The following TRDMT1 variants were observed in gnomAD, a reference collection of about 807,000 sequenced individuals.
TRDMT1 encodes the protein tRNA (cytosine(38)-C(5))-methyltransferase.
Under a neutral mutation model 51.2 loss-of-function variants are expected in TRDMT1, and 49 were observed. That is an observed-to-expected ratio of 0.96 (90% CI 0.76 to 1.21). The LOEUF (loss-of-function observed/expected upper bound fraction) is 1.21, where lower values mean the gene tolerates loss of function less well. Ranked by LOEUF, TRDMT1 falls within the 50% of genes most tolerant of loss-of-function variation. TRDMT1 has a pLI of 0.00. For synonymous variants in TRDMT1, 187 were observed against 164.6 expected (o/e 1.14, Z -1.04); for missense variants, 534 against 462.3 (o/e 1.16, Z -1.42).
chr10:17,197,429 C>G (rs1053794127), intron 1 of TRDMT1, among the ~76,000 whole-genome samples: 2 of 152,082 alleles, frequency 1.3e-5, no homozygotes, highest in Admixed American at 1.3e-4. Flanking sequence ...TATGTAGTGA[C>G]TGTAAAAATG....
intron 3 of TRDMT1, among the ~76,000 whole-genome samples, chr10:17,165,618 C>T (rs1185584811): frequency 2.6e-5 from 4 of 152,136 alleles, no homozygotes; most frequent in South Asian, 2.1e-4. Context: ...GCAATCTACT[C>T]ATCTGACAAA....
At chr10:17,150,835 T>C in intron 10 of TRDMT1, 2 of 984,896 alleles carry the variant, frequency 2.0e-6, no homozygotes, top group Non-Finnish European at 2.4e-6. Flanking sequence ...AAGCACATTA[T>C]TTATCTAAAA....
chr10:17,153,569 A>C lies in TRDMT1; in HGVS notation c.1013T>G (p.Leu338Arg), dbSNP rs1407510418. The C allele has an allele frequency of 3.7e-6, 6 of 1,613,288 alleles. No homozygotes were observed. Among genetic ancestry groups the C allele is most frequent in the Non-Finnish European group, 5.1e-6 (6 of 1,179,688 alleles). Residue 338 changes from leucine (L) to arginine (R), a missense_variant, in exon 10 of 11, where the codon CTT becomes CGT. Leu to Arg is a moderately radical substitution (Grantham distance 102, BLOSUM62 -2). Coordinates refer to ENST00000377799, the MANE Select transcript of TRDMT1 (RefSeq NM_004412.7). ...TTTAGGAGTGAAATATCGCAGTTTAAGTATTAACAGCTTTGTTATCTGTTC... is the reference window on the plus strand; with the variant it reads ...TTTAGGAGTGAAATATCGCAGTTTACGTATTAACAGCTTTGTTATCTGTTC... Reference protein sequence around the residue: ...QEEQITKLLILKLRYFTPKEI... With the variant: ...QEEQITKLLIRKLRYFTPKEI...
At chr10:17,158,755 T>G (rs1188836505) in intron 7 of TRDMT1, among the ~76,000 whole-genome samples, 2 of 152,200 alleles carry the variant, frequency 1.3e-5, no homozygotes, top group Non-Finnish European at 2.9e-5. Context: ...TTAAAATATT[T>G]GTAAGCCACT....
rs1564540315 is a variant in TRDMT1 at position 17,144,187 on chromosome 10, C to A, written c.*4853G>T. ...TTCTCTTTCTCTCTTTCACTCTCAT[C>A]CTCTGACCCTCTAGGTGATCTCATC... On this transcript the variant is annotated 3_prime_UTR_variant, in exon 11 of 11. Transcript: ENST00000377799. The A allele has an allele frequency of 1.0e-6, 1 of 985,690 alleles. No individual in the cohort carries two copies. The highest frequency in any genetic ancestry group is 4.7e-5 in the South Asian group (1 of 21,284). The allele number at this position is 985,690 out of a possible 1,614,324, so 61.1% of individuals were successfully genotyped here. A position where few individuals can be genotyped will look rare whatever the true frequency, so the allele number is the denominator to read the frequency against.
At position 17,168,878 on chromosome 10, in the gene TRDMT1, T is replaced by A. The variant is rs758379628; in HGVS notation, c.214A>T (p.Met72Leu). The A allele has an allele frequency of 6.8e-6, 11 of 1,612,758 alleles. No homozygotes were observed. Among genetic ancestry groups the A allele is most frequent in the Non-Finnish European group, 8.5e-6 (10 of 1,179,218 alleles). ...LEEFDRLSFD[M>L]ILMSPPCQPF... ...TGGCAGGGAGGGCTCATTAAAATCATATCAAAAGATAATCTGTCAAACTCT... is the reference window on the plus strand; with the variant it reads ...TGGCAGGGAGGGCTCATTAAAATCAAATCAAAAGATAATCTGTCAAACTCT... Residue 72 changes from methionine (M) to leucine (L), a missense_variant, in exon 3 of 11, where the codon ATG (methionine) becomes TTG (leucine). Physicochemically the swap from Met to Leu is conservative, Grantham distance 15. Transcript: ENST00000377799.
At position 17,147,393 on chromosome 10, in the gene TRDMT1, T is replaced by G; in HGVS notation, c.*1647A>C. The G allele has an allele frequency of 1.1e-6, 1 of 934,400 alleles. No homozygotes were observed. Among genetic ancestry groups the G allele is most frequent in the East Asian group, 1.2e-4 (1 of 8,600 alleles). 57.9% of individuals were successfully genotyped at this position (934,400 alleles called of 1,614,324 possible). Reference sequence around the variant, plus strand: ...TAGAGTATGATTTTTTCAATTGCAGTAAAATATACATAATGTAAAATTTAT... The same window carrying G: ...TAGAGTATGATTTTTTCAATTGCAGGAAAATATACATAATGTAAAATTTAT... On this transcript the variant is annotated 3_prime_UTR_variant, in exon 11 of 11. Coordinates refer to ENST00000377799, the MANE Select transcript of TRDMT1 (RefSeq NM_004412.7).
chr10:17,170,105 G>A (rs1023593985), intron 2 of TRDMT1, among the ~76,000 whole-genome samples: 2 of 152,116 alleles, frequency 1.3e-5, no homozygotes, highest in African/African-American at 4.8e-5. Flanking sequence ...TATTCCAGGG[G>A]CATCCTATGT....
In TRDMT1 at chr10:17,139,311, C is replaced by G. The variant is rs1343509504; in HGVS notation, c.*9729G>C. The G allele has an allele frequency of 1.1e-4, 67 of 624,696 alleles. No individual in the cohort carries two copies. Among genetic ancestry groups the G allele is most frequent in the Non-Finnish European group, 1.3e-4 (63 of 500,326 alleles). 38.7% of individuals were successfully genotyped at this position (624,696 alleles called of 1,614,324 possible). A position where few individuals can be genotyped will look rare whatever the true frequency, so the allele number is the denominator to read the frequency against. On this transcript the variant is annotated 3_prime_UTR_variant, in exon 11 of 11. Transcript: ENST00000377799. ...TCATACGATAATCAAAGGAAAATGT[C>G]TGATTGCACTCAGACTTCAGCATGA...
intron 4 of TRDMT1, 52 bp downstream of exon 4, chr10:17,162,114 G>T: frequency 6.8e-7 from 1 of 1,480,874 alleles, no homozygotes; most frequent in South Asian, 1.2e-5. Context: ...CATTCTTCCA[G>T]ACCTGGAGTT....
At position 17,139,126 on chromosome 10, in the gene TRDMT1, T is replaced by C; in HGVS notation, c.*9914A>G. 6.2e-6 allele frequency: 6 copies of C among 966,938 alleles called. No individual in the cohort carries two copies. The South Asian group carries it at 1.4e-4, about 23-fold the overall frequency. The allele number at this position is 966,938 out of a possible 1,614,324, so 59.9% of individuals were successfully genotyped here. On this transcript the variant is annotated 3_prime_UTR_variant, in exon 11 of 11. Transcript: ENST00000377799. ...GCAGCTCCATTGGATTAATCCAAGCTTGGTTTCCAAGGTGTGAAGCAATGA... is the reference window on the plus strand; with the variant it reads ...GCAGCTCCATTGGATTAATCCAAGCCTGGTTTCCAAGGTGTGAAGCAATGA...
chr10:17,172,568 C>T (rs1173658747), intron 2 of TRDMT1, among the ~76,000 whole-genome samples: 2 of 152,024 alleles, frequency 1.3e-5, no homozygotes, highest in African/African-American at 4.8e-5. Context: ...TACTCAAAAG[C>T]ACCAAGGTAA....
chr10:17,145,461 T>C lies in TRDMT1; in HGVS notation c.*3579A>G. 1 of 985,352 alleles carries C rather than the reference T, an allele frequency of 1.0e-6. No homozygotes were observed. Among genetic ancestry groups the C allele is most frequent in the South Asian group, 4.7e-5 (1 of 21,282 alleles). The allele number at this position is 985,352 out of a possible 1,614,324, so 61.0% of individuals were successfully genotyped here. A position where few individuals can be genotyped will look rare whatever the true frequency, so the allele number is the denominator to read the frequency against. ...GTCCAAAGGCCATGTCTTTAAAAAT[T>C]ATATAATCTCAATGCAATCACAGGC... On this transcript the variant is annotated 3_prime_UTR_variant, in exon 11 of 11. Transcript: ENST00000377799.
At chr10:17,168,516 T>A (rs1841514000) in intron 3 of TRDMT1, among the ~76,000 whole-genome samples, 1 of 152,142 alleles carries the variant, frequency 6.6e-6, no homozygotes, top group South Asian at 2.1e-4. Context: ...ATCTTGAATT[T>A]CCACGTGTTG....
At chr10:17,191,423 A>G (rs771840336) in intron 1 of TRDMT1, among the ~76,000 whole-genome samples, 5 of 152,230 alleles carry the variant, frequency 3.3e-5, no homozygotes, top group Non-Finnish European at 7.3e-5. Context: ...AAAGTAGCTC[A>G]GGCCAAGCTT....
Position 17,146,319 on chromosome 10 carries a change from G to T in TRDMT1, c.*2721C>A, listed in dbSNP as rs1838104822. The T allele has an allele frequency of 4.1e-6, 4 of 985,382 alleles. No homozygotes were observed. The highest frequency in any genetic ancestry group is 1.7e-5 in the African/African-American group (1 of 57,344). The allele number at this position is 985,382 out of a possible 1,614,324, so 61.0% of individuals were successfully genotyped here. A position where few individuals can be genotyped will look rare whatever the true frequency, so the allele number is the denominator to read the frequency against. ...CTCATCTTTCCAGACATAGGGCAGTGCCCATGGTGAAGGTCTGATTTCACA... is the reference window on the plus strand; with the variant it reads ...CTCATCTTTCCAGACATAGGGCAGTTCCCATGGTGAAGGTCTGATTTCACA... On this transcript the variant is annotated 3_prime_UTR_variant, in exon 11 of 11. Coordinates refer to ENST00000377799, the MANE Select transcript of TRDMT1 (RefSeq NM_004412.7).
chr10:17,184,817 G>A (rs1448112612), intron 1 of TRDMT1, among the ~76,000 whole-genome samples: 4 of 152,040 alleles, frequency 2.6e-5, no homozygotes, highest in African/African-American at 9.7e-5. Context: ...TTCAGCATTA[G>A]GCATTCTTAT....
intron 10 of TRDMT1, chr10:17,152,179 A>G: frequency 9.9e-7 from 1 of 1,014,134 alleles, no homozygotes; most frequent in Admixed American, 3.1e-5. Flanking sequence ...CAGCTCTTCT[A>G]TTTGTTTTGT....
chr10:17,166,194 A>C (rs2131466045), intron 3 of TRDMT1, among the ~76,000 whole-genome samples: 1 of 152,222 alleles, frequency 6.6e-6, no homozygotes, highest in African/African-American at 2.4e-5. Flanking sequence ...TGCAGCCATA[A>C]AAAGGATGAG....
Sources: allele counts gnomAD v4.1 joint callset (sites outside exome capture counted in the v4.1 genomes callset), GRCh38; gene constraint gnomAD v4.1.1; transcripts MANE v1.5; gene names NCBI Gene and HGNC (gene_info 2026-07-23, HGNC 2026-07-21).